The following SNAP25 variants were observed in gnomAD, a reference collection of about 807,000 sequenced individuals.
The protein encoded by SNAP25 is synaptosomal-associated protein 25.
In SNAP25, 3 loss-of-function variants were observed where a neutral mutation model predicts 28.7. That is an observed-to-expected ratio of 0.10 (90% CI 0.05 to 0.27). The LOEUF (loss-of-function observed/expected upper bound fraction) is 0.27. Ranked by LOEUF, SNAP25 falls within the 10% of genes least tolerant of loss-of-function variation. The pLI, the probability that SNAP25 is intolerant of heterozygous loss-of-function variation, is 1.00. For missense variants in SNAP25, 117 were observed against 278.7 expected, an observed-to-expected ratio of 0.42 and a Z score of 4.13; for synonymous variants, 61 against 88.1, an observed-to-expected ratio of 0.69 and a Z score of 1.72.
chr20:10,243,986 C>G lies in SNAP25; in HGVS notation c.-64+25009C>G, dbSNP rs148729752. ...CTCAAATGATCTAGGACTTTGCAGA[C>G]CCCTCAGTTCCCTGGGATTGAGACA... On this transcript the variant is annotated intron_variant, in intron 1 of 7. Coordinates refer to ENST00000254976, the MANE Select transcript of SNAP25 (RefSeq NM_130811.4). Among the ~76,000 whole-genome samples the G allele has an allele frequency of 8.4e-3, 1,283 of 152,250 alleles. 19 individuals are homozygous for G. The highest frequency in any genetic ancestry group is 0.03 in the African/African-American group (1,241 of 41,536).
intron 1 of SNAP25, among the ~76,000 whole-genome samples, chr20:10,273,184 G>A (rs550618982): frequency 1.9e-3 from 284 of 151,608 alleles, no homozygotes; most frequent in Non-Finnish European, 2.0e-3. Context: ...TTATTTTTCC[G>A]AAAAGTGATT....
intron 1 of SNAP25, among the ~76,000 whole-genome samples, chr20:10,249,430 T>G (rs2063186203): frequency 6.6e-6 from 1 of 152,190 alleles, no homozygotes; most frequent in Admixed American, 6.5e-5. Flanking sequence ...TGTTACCTTT[T>G]GAAGCTATTG....
intron 7 of SNAP25, among the ~76,000 whole-genome samples, chr20:10,300,820 T>C (rs932911529): frequency 6.6e-6 from 1 of 152,232 alleles, no homozygotes. Flanking sequence ...AAGAAGGCTT[T>C]CATATGATAA....
intron 1 of SNAP25, among the ~76,000 whole-genome samples, chr20:10,267,279 C>A (rs570985586): frequency 5.3e-5 from 8 of 151,988 alleles, no homozygotes; most frequent in African/African-American, 1.9e-4. Context: ...GTATACTATA[C>A]CCAGAACAAG....
intron 1 of SNAP25, among the ~76,000 whole-genome samples, chr20:10,259,157 A>G (rs1479606519): frequency 6.6e-6 from 1 of 152,198 alleles, no homozygotes; most frequent in Non-Finnish European, 1.5e-5. Flanking sequence ...ATATATATAT[A>G]TTCAGCAGAG....
chr20:10,240,442 TGGC>T (rs2063006243), intron 1 of SNAP25, among the ~76,000 whole-genome samples: 2 of 152,156 alleles, frequency 1.3e-5, no homozygotes, highest in African/African-American at 4.8e-5. Context: ...AATCACAGAA[TGGC>T]ATCCTGTCAT....
intron 1 of SNAP25, among the ~76,000 whole-genome samples, chr20:10,244,676 G>C (rs530745900): frequency 6.6e-6 from 1 of 151,972 alleles, no homozygotes; most frequent in African/African-American, 2.4e-5. Flanking sequence ...TCAGGAGCAG[G>C]AACCCAGTGA....
intron 7 of SNAP25, among the ~76,000 whole-genome samples, chr20:10,302,920 T>A (rs561091452): frequency 1.3e-5 from 2 of 152,194 alleles, no homozygotes; most frequent in South Asian, 4.1e-4. Flanking sequence ...TCATTGAACA[T>A]AAGTCTGTTT....
At chr20:10,238,648 G>T (rs112421469) in intron 1 of SNAP25, among the ~76,000 whole-genome samples, 5 of 152,278 alleles carry the variant, frequency 3.3e-5, no homozygotes, top group African/African-American at 1.2e-4. Flanking sequence ...GGTGGCTCAT[G>T]CCTGTAATCC....
chr20:10,220,189 A>G (rs1179021859), intron 1 of SNAP25, among the ~76,000 whole-genome samples: 2 of 152,190 alleles, frequency 1.3e-5, no homozygotes, highest in Non-Finnish European at 2.9e-5. Flanking sequence ...TAGCTGAACT[A>G]AGCAGAATCA....
At chr20:10,258,188 T>C (rs1243978416) in intron 1 of SNAP25, among the ~76,000 whole-genome samples, 1 of 152,216 alleles carries the variant, frequency 6.6e-6, no homozygotes, top group Non-Finnish European at 1.5e-5. Context: ...TCCTGTGTGA[T>C]AGAAAAAGCA....
chr20:10,279,085 A>G (rs992156803), intron 3 of SNAP25, among the ~76,000 whole-genome samples: 1 of 152,216 alleles, frequency 6.6e-6, no homozygotes, highest in South Asian at 2.1e-4. Flanking sequence ...AGTGAAGAGC[A>G]ATATTTTATC....
intron 1 of SNAP25, among the ~76,000 whole-genome samples, chr20:10,258,931 T>C (rs1734207354): frequency 6.6e-6 from 1 of 152,194 alleles, no homozygotes; most frequent in South Asian, 2.1e-4. Flanking sequence ...GAATATAAGC[T>C]AGTAGCTTTG....
intron 7 of SNAP25, among the ~76,000 whole-genome samples, chr20:10,303,165 A>G (rs2064279152): frequency 6.6e-6 from 1 of 152,186 alleles, no homozygotes; most frequent in African/African-American, 2.4e-5. Context: ...TGATCCTGTA[A>G]CTTTCCTTTG....
chr20:10,293,097 T>A lies in SNAP25; in HGVS notation c.164-64T>A. 6.6e-7 allele frequency: 1 copy of A among 1,509,766 alleles called. No homozygotes were observed. 93.5% of individuals were successfully genotyped at this position (1,509,766 alleles called of 1,614,324 possible). A position where few individuals can be genotyped will look rare whatever the true frequency, so the allele number is the denominator to read the frequency against. On this transcript the variant is annotated intron_variant, in intron 4 of 7. Transcript: ENST00000254976. The surrounding 1 kb of genome is among the most constrained non-coding windows in gnomAD (Gnocchi z 5.6). ...CAAAGTGAATGTCTGAAGTTTTGTC[T>A]TTTTTTCTTTGTCCTTTTCCATCTG...
rs569074874 is a variant in SNAP25, at chr20:10,264,755, T to C, written c.-63-10674T>C. On this transcript the variant is annotated intron_variant, in intron 1 of 7. Coordinates refer to ENST00000254976, the MANE Select transcript of SNAP25 (RefSeq NM_130811.4). ...AGCCCTAAGTCATGCTACACATGGA[T>C]CCTTCCACTCTGGGGGACCATAAGA... Among the ~76,000 whole-genome samples the C allele has an allele frequency of 6.6e-5, 10 of 152,268 alleles. No homozygotes were observed. The East Asian group carries it at 1.9e-3, about 29-fold the overall frequency.
intron 1 of SNAP25, among the ~76,000 whole-genome samples, chr20:10,239,813 C>T (rs1716598189): frequency 6.6e-6 from 1 of 152,130 alleles, no homozygotes; most frequent in Non-Finnish European, 1.5e-5. Context: ...CCCATGAGCC[C>T]TCCCTAAGTA....
chr20:10,240,936 A>G (rs562224900), intron 1 of SNAP25, among the ~76,000 whole-genome samples: 4 of 152,162 alleles, frequency 2.6e-5, no homozygotes, highest in Non-Finnish European at 4.4e-5. Context: ...GGAGCCAGCA[A>G]TCACAGCAGG....
chr20:10,264,607 C>G (rs2063475168), intron 1 of SNAP25, among the ~76,000 whole-genome samples: 1 of 152,146 alleles, frequency 6.6e-6, no homozygotes, highest in Admixed American at 6.5e-5. Context: ...TCAAGATGGC[C>G]TCCTCAATGC....
Sources: allele counts gnomAD v4.1 joint callset (sites outside exome capture counted in the v4.1 genomes callset), GRCh38; gene constraint gnomAD v4.1.1; non-coding constraint Gnocchi (gnomAD v3.1); transcripts MANE v1.5; gene names NCBI Gene and HGNC (gene_info 2026-07-23, HGNC 2026-07-21).